The following MORC1 variants were observed in gnomAD, a reference collection of about 807,000 sequenced individuals.
MORC1 encodes the protein MORC family CW-type zinc finger protein 1.
MORC1 carries 59 observed loss-of-function variants against 134.9 expected under a neutral mutation model. The observed-to-expected ratio is 0.44, with a 90% CI of 0.35 to 0.54. MORC1 has a LOEUF of 0.54. Among genes scored for constraint, MORC1 ranks in the 20% least tolerant of loss-of-function variants. MORC1 has a pLI of 0.00. For missense variants in MORC1, 947 were observed against 1,134.5 expected (o/e 0.83, Z 2.37); for synonymous variants, 395 against 391.7 (o/e 1.01, Z -0.10).
chr3:108,987,361 G>A (rs1576599873), intron 21 of MORC1, among the ~76,000 whole-genome samples: 1 of 152,316 alleles, frequency 6.6e-6, no homozygotes, highest in South Asian at 2.1e-4. Flanking sequence ...AGCAGACAGA[G>A]TAGGAGCTCA....
chr3:109,093,901 A>T (rs767510209), intron 7 of MORC1, among the ~76,000 whole-genome samples: 25 of 152,238 alleles, frequency 1.6e-4, no homozygotes, highest in Non-Finnish European at 3.2e-4. Flanking sequence ...GGTAGTACTG[A>T]ATTTAACACA....
At position 109,062,048 on chromosome 3, in the gene MORC1, T is replaced by A. The variant is rs79817474; in HGVS notation, c.906A>T (p.Ile302=). Residue 302 remains isoleucine (I), a synonymous_variant, in exon 11 of 28, where the codon ATA becomes ATT. Coordinates refer to ENST00000232603, the MANE Select transcript of MORC1 (RefSeq NM_014429.4). ...TTACTTTGATTTGTGCTTCTTTCAA[T>A]ATGGATTCAGCTGGAAGTAGAAGCC... ...AEEAVKIAES[I]LKEAQIKVNQ... is the part of the protein sequence containing the mutation. The A allele has an allele frequency of 1.6e-3, 2,578 of 1,614,016 alleles. 39 individuals are homozygous for A. The African/African-American group carries it at 0.029, about 18-fold the overall frequency.
chr3:109,060,711 T>C (rs112670369), intron 11 of MORC1, among the ~76,000 whole-genome samples: 8 of 152,270 alleles, frequency 5.3e-5, no homozygotes, highest in African/African-American at 1.9e-4. Flanking sequence ...TGCTCTCTTC[T>C]CTGCCTTAAA....
At chr3:108,961,130 A>T (rs2107344967) in intron 27 of MORC1, among the ~76,000 whole-genome samples, 1 of 152,208 alleles carries the variant, frequency 6.6e-6, no homozygotes, top group South Asian at 2.1e-4. Context: ...CGAACAGATA[A>T]GAGGATTTTT....
At position 109,111,335 on chromosome 3, in the gene MORC1, T is replaced by C. The variant is rs150342065; in HGVS notation, c.120-552A>G. 2.9e-3 allele frequency among the ~76,000 whole-genome samples: 437 copies of C among 152,272 alleles called. 1 individual carries two copies. Among genetic ancestry groups the C allele is most frequent in the Non-Finnish European group, 4.5e-3 (307 of 68,030 alleles). ...AACACAATCATGCCCATTCATTACA[T>C]AGTATCTAAGGTTGCCTCAGCACTA... On this transcript the variant is annotated intron_variant, in intron 2 of 27. Transcript: ENST00000232603.
rs181374139 is a variant in MORC1 at position 109,066,515 on chromosome 3, G to A, written c.815+3117C>T. Among the ~76,000 whole-genome samples the A allele has an allele frequency of 5.1e-3, 780 of 152,234 alleles. 18 individuals are homozygous for A. Among genetic ancestry groups the A allele is most frequent in the African/African-American group, 0.018 (748 of 41,550 alleles). Reference sequence around the variant, plus strand: ...TTGGCCAGGCTGGTCTCAAACTCCTGACCTCAGGTGATCTGCCTGCCTCGG... The same window carrying A: ...TTGGCCAGGCTGGTCTCAAACTCCTAACCTCAGGTGATCTGCCTGCCTCGG... On this transcript the variant is annotated intron_variant, in intron 9 of 27. Coordinates refer to ENST00000232603, the MANE Select transcript of MORC1 (RefSeq NM_014429.4).
rs769470248 is a variant in MORC1 at position 109,054,734 on chromosome 3, C to T, written c.1324G>A (p.Gly442Ser). The T allele has an allele frequency of 1.1e-5, 17 of 1,540,876 alleles. No homozygotes were observed. The highest frequency in any genetic ancestry group is 1.3e-5 in the South Asian group (1 of 76,626). Residue 442 changes from glycine (G) to serine (S), a missense_variant, in exon 14 of 28, where the codon GGC becomes AGC. This residue lies in a region of MORC1 where 722 missense variants were observed against 817.0 expected (regional missense o/e 0.88). Coordinates refer to ENST00000232603, the MANE Select transcript of MORC1 (RefSeq NM_014429.4). ...QYLVQYCKDT[G>S]INNRNLTLFC... is the part of the protein sequence containing the mutation. ...ATGACTATTGAATACTCACTGATGC[C>T]GGTGTCCTTACAGTACTGGACCAAG...
At position 109,093,437 on chromosome 3, in the gene MORC1, C is replaced by T. The variant is rs372384268; in HGVS notation, c.688G>A (p.Asp230Asn). 8.7e-6 allele frequency: 14 copies of T among 1,608,390 alleles called. No homozygotes were observed. The highest frequency in any genetic ancestry group is 1.2e-5 in the Non-Finnish European group (14 of 1,175,032). The change falls in exon 8 of 28, where the codon GAT (aspartate) becomes AAT (asparagine). Residue 230 changes from aspartate to asparagine, a missense_variant and splice_region_variant. Asp to Asn is a conservative substitution (Grantham distance 23, BLOSUM62 1). Coordinates refer to ENST00000232603, the MANE Select transcript of MORC1 (RefSeq NM_014429.4). ...ACATTCTGTCAAACACACACATACT[C>T]CTCCAGAGCTCCAGCCATCAGTATA... ...EDILMAGALE[D>N]FPARWSFRAY...
At chr3:109,100,883 A>C (rs567122198) in intron 4 of MORC1, among the ~76,000 whole-genome samples, 1 of 152,340 alleles carries the variant, frequency 6.6e-6, no homozygotes, top group Non-Finnish European at 1.5e-5. Context: ...GAACCTGGAA[A>C]AGATTTAAAG....
intron 20 of MORC1, among the ~76,000 whole-genome samples, chr3:109,003,268 T>C (rs1248040000): frequency 6.6e-6 from 1 of 151,578 alleles, no homozygotes; most frequent in Non-Finnish European, 1.5e-5. Context: ...TATACATATA[T>C]ATATATATAC....
chr3:108,994,805 T>G (rs1051304235), intron 21 of MORC1, among the ~76,000 whole-genome samples: 1 of 152,144 alleles, frequency 6.6e-6, no homozygotes, highest in Admixed American at 6.5e-5. Flanking sequence ...TTGCGGCTCA[T>G]TTCAAATTGA....
intron 3 of MORC1, among the ~76,000 whole-genome samples, chr3:109,109,150 C>A (rs1019064991): frequency 6.6e-6 from 1 of 152,078 alleles, no homozygotes; most frequent in Admixed American, 6.5e-5. Flanking sequence ...TTTAAAGAAA[C>A]CCTCTTAGAC....
chr3:108,959,183 G>C, intron 27 of MORC1, 63 bp from the exon 28 acceptor site: 1 of 1,422,514 alleles, frequency 7.0e-7, no homozygotes, highest in East Asian at 2.6e-5. Flanking sequence ...CCTGTAATTT[G>C]GGCAGCCTCC....
chr3:109,093,110 T>G (rs894623840), intron 8 of MORC1, among the ~76,000 whole-genome samples: 3 of 152,160 alleles, frequency 2.0e-5, no homozygotes, highest in African/African-American at 4.8e-5. Context: ...AGTCTTATAT[T>G]CCAGTGGTCC....
intron 8 of MORC1, among the ~76,000 whole-genome samples, chr3:109,077,834 A>C (rs1950451087): frequency 6.6e-6 from 1 of 152,140 alleles, no homozygotes; most frequent in Non-Finnish European, 1.5e-5. Context: ...ATAAGCAAAA[A>C]AAAAATCTAG....
In MORC1 at chr3:109,069,661, T is replaced by C; in HGVS notation, c.786A>G (p.Lys262=). 6.2e-7 allele frequency: 1 copy of C among 1,610,654 alleles called. No individual in the cohort carries two copies. Among genetic ancestry groups the C allele is most frequent in the Non-Finnish European group, 8.5e-7 (1 of 1,177,726 alleles). Residue 262 remains lysine, a synonymous_variant, in exon 9 of 28, where the codon AAA becomes AAG. Transcript: ENST00000232603. ...GTCTGTAGAGGCAATAGCAAAGATG[T>C]TTAGTTTTAACTCTCTTGGCTTGAA... ...IFIQAKRVKT[K]HLCYCLYRPR... is the part of the protein sequence containing the mutation.
At chr3:108,988,803 T>A (rs1225349301) in intron 21 of MORC1, among the ~76,000 whole-genome samples, 3 of 152,124 alleles carry the variant, frequency 2.0e-5, no homozygotes, top group Admixed American at 6.5e-5. Context: ...AATTTTGTTG[T>A]TGGTTTTATT....
chr3:109,084,440 T>C (rs1406953820), intron 8 of MORC1, among the ~76,000 whole-genome samples: 1 of 151,984 alleles, frequency 6.6e-6, no homozygotes, highest in Non-Finnish European at 1.5e-5. Flanking sequence ...AGAAGTCAAT[T>C]TAGCCAAAGA....
At chr3:109,031,644 C>T (rs560102238) in intron 16 of MORC1, among the ~76,000 whole-genome samples, 3 of 152,182 alleles carry the variant, frequency 2.0e-5, no homozygotes, top group South Asian at 2.1e-4. Flanking sequence ...CCTGGATTTG[C>T]GTTTTAATTC....
Sources: gnomAD v4.1 joint callset for allele counts (sites outside exome capture counted in the v4.1 genomes callset) on GRCh38, gnomAD v4.1.1 for gene constraint, gnomAD v4.1.1 regional missense constraint, MANE v1.5 for transcripts, NCBI Gene and HGNC (gene_info 2026-07-23, HGNC 2026-07-21) for gene names.